The following ZFAND3 variants were observed in gnomAD, a reference collection of about 807,000 sequenced individuals.
ZFAND3 encodes zinc finger AN1-type containing 3.
ZFAND3 carries 10 observed loss-of-function variants against 29.6 expected under a neutral mutation model. The ratio of observed to expected loss-of-function variants is 0.34; its 90% confidence interval spans 0.21 to 0.57. The LOEUF (loss-of-function observed/expected upper bound fraction) is 0.57. Among genes scored for constraint, ZFAND3 ranks in the 20% least tolerant of loss-of-function variants. The pLI, the probability that ZFAND3 is intolerant of heterozygous loss-of-function variation, is 0.86. For missense variants in ZFAND3, 230 were observed against 304.5 expected (o/e 0.76, Z 1.82); for synonymous variants, 128 against 112.6 (o/e 1.14, Z -0.87).
intron 1 of ZFAND3, among the ~76,000 whole-genome samples, chr6:37,844,927 G>A (rs751911938): frequency 6.6e-6 from 1 of 151,526 alleles, no homozygotes; most frequent in Non-Finnish European, 1.5e-5. Context: ...GGGAGGCTGA[G>A]GCAAGAGAAT....
chr6:38,114,799 C>T lies in ZFAND3; in HGVS notation c.362-1773C>T, dbSNP rs75081105. Among the ~76,000 whole-genome samples, 1,450 of 152,312 alleles carry T rather than the reference C, an allele frequency of 9.5e-3. 19 individuals carry two copies. The highest frequency in any genetic ancestry group is 0.034 in the African/African-American group (1,395 of 41,572). Reference sequence around the variant, plus strand: ...CTCACTAGAGCCACTTTAAGTAGAACATTAGGACTGCCTAGGAGACAAATT... The same window carrying T: ...CTCACTAGAGCCACTTTAAGTAGAATATTAGGACTGCCTAGGAGACAAATT... On this transcript the variant is annotated intron_variant, in intron 4 of 5. Coordinates refer to ENST00000287218, the MANE Select transcript of ZFAND3 (RefSeq NM_021943.3).
intron 2 of ZFAND3, among the ~76,000 whole-genome samples, chr6:37,972,784 T>C (rs79120026): frequency 0.067 from 10,128 of 152,098 alleles, 405 homozygotes; most frequent in Non-Finnish European, 0.087. Flanking sequence ...AGATAATATT[T>C]GTCTTCACTA....
chr6:37,905,566 G>T (rs1324805821), intron 1 of ZFAND3, among the ~76,000 whole-genome samples: 2 of 152,094 alleles, frequency 1.3e-5, no homozygotes, highest in Non-Finnish European at 2.9e-5. Flanking sequence ...CTGACTTTCT[G>T]TTCATATATT....
At chr6:37,889,821 G>A (rs1439707576) in intron 1 of ZFAND3, among the ~76,000 whole-genome samples, 4 of 152,148 alleles carry the variant, frequency 2.6e-5, no homozygotes, top group African/African-American at 7.2e-5. Flanking sequence ...ATTGTGTAAT[G>A]TATATTATTA....
intron 4 of ZFAND3, among the ~76,000 whole-genome samples, chr6:38,103,158 C>G (rs1304933094): frequency 1.3e-5 from 2 of 152,124 alleles, no homozygotes; most frequent in Non-Finnish European, 2.9e-5. Flanking sequence ...TTGATTGATT[C>G]TTTCAAACTG....
intron 2 of ZFAND3, among the ~76,000 whole-genome samples, chr6:38,002,359 A>G (rs910472261): frequency 4.6e-5 from 7 of 150,970 alleles, no homozygotes; most frequent in African/African-American, 1.7e-4. Context: ...CAGTGCATAC[A>G]GTTTTGGGAA....
At chr6:38,144,191 A>T (rs1766029759) in intron 5 of ZFAND3, among the ~76,000 whole-genome samples, 1 of 41,814 alleles carries the variant, frequency 2.4e-5, no homozygotes, top group East Asian at 3.4e-4. Context: ...TATAATATAT[A>T]TATATATATA....
At chr6:38,140,553 A>G (rs7760452) in intron 5 of ZFAND3, among the ~76,000 whole-genome samples, 18,129 of 152,164 alleles carry the variant, frequency 0.12, 1,341 homozygotes, top group East Asian at 0.29. Flanking sequence ...GCAGTGGCTC[A>G]ATAATGGCTC....
At chr6:37,977,462 T>G (rs1333527473) in intron 2 of ZFAND3, among the ~76,000 whole-genome samples, 2 of 152,046 alleles carry the variant, frequency 1.3e-5, no homozygotes, top group Non-Finnish European at 2.9e-5. Context: ...CCACTACGCC[T>G]GGGTAATTTT....
At chr6:38,098,301 C>T (rs957029245) in intron 4 of ZFAND3, among the ~76,000 whole-genome samples, 1 of 152,054 alleles carries the variant, frequency 6.6e-6, no homozygotes, top group African/African-American at 2.4e-5. Flanking sequence ...TGCATGCCAC[C>T]GTCCCCGGCT....
chr6:38,088,419 A>G (rs1764799217), intron 4 of ZFAND3: 1 of 152,198 alleles, frequency 6.6e-6, no homozygotes, highest in Admixed American at 6.5e-5. Context: ...TTGGGGAAAG[A>G]GGCGGGGATG....
At chr6:38,087,447 G>C (rs1764778310) in intron 4 of ZFAND3, among the ~76,000 whole-genome samples, 1 of 152,110 alleles carries the variant, frequency 6.6e-6, no homozygotes, top group Non-Finnish European at 1.5e-5. Flanking sequence ...CATCTGACAA[G>C]GGATTAATAA....
intron 5 of ZFAND3, among the ~76,000 whole-genome samples, chr6:38,132,730 G>A (rs1486659620): frequency 1.3e-5 from 2 of 152,190 alleles, no homozygotes; most frequent in Non-Finnish European, 2.9e-5. Flanking sequence ...GTGTACATCT[G>A]CATGGAGGGA....
intron 2 of ZFAND3, among the ~76,000 whole-genome samples, chr6:38,010,458 C>G (rs180742359): frequency 1.8e-4 from 27 of 152,256 alleles, no homozygotes; most frequent in Admixed American, 1.7e-3. Flanking sequence ...ATATCTAACA[C>G]TGTCATTTTG....
intron 2 of ZFAND3, among the ~76,000 whole-genome samples, chr6:37,956,034 T>A (rs1441588848): frequency 6.6e-6 from 1 of 152,116 alleles, no homozygotes; most frequent in African/African-American, 2.4e-5. Context: ...CAGCTTGAGA[T>A]AATTTGGGAA....
intron 2 of ZFAND3, among the ~76,000 whole-genome samples, chr6:38,047,973 G>GTTTTTTTTTTT (rs58542714): frequency 7.3e-6 from 1 of 137,632 alleles, no homozygotes; most frequent in Non-Finnish European, 1.6e-5. Flanking sequence ...GGTTTTTTTT[G>GTTTTTTTTTTT]TTTTTTTTTT....
intron 2 of ZFAND3, among the ~76,000 whole-genome samples, chr6:37,955,863 C>A (rs889010526): frequency 6.6e-5 from 10 of 152,124 alleles, no homozygotes; most frequent in African/African-American, 2.4e-4. Context: ...TCCATGGGTT[C>A]TTGATGGGAA....
intron 1 of ZFAND3, among the ~76,000 whole-genome samples, chr6:37,851,179 G>C (rs188085513): frequency 6.6e-6 from 1 of 150,394 alleles, no homozygotes; most frequent in Admixed American, 6.7e-5. Flanking sequence ...TAGAGATGGG[G>C]TTTCACCTTG....
chr6:37,918,776 T>C (rs259692), intron 1 of ZFAND3, among the ~76,000 whole-genome samples: 121,214 of 151,738 alleles, frequency 0.8, 49,042 homozygotes, highest in African/African-American at 0.94. Flanking sequence ...GTTGTTGTTC[T>C]CCCAACCCCA....
Sources: allele counts gnomAD v4.1 joint callset (sites outside exome capture counted in the v4.1 genomes callset), GRCh38; gene constraint gnomAD v4.1.1; transcripts MANE v1.5; gene names NCBI Gene and HGNC (gene_info 2026-07-23, HGNC 2026-07-21).